CFAP61: variants seen among roughly 807,000 people sequenced by gnomAD.
CFAP61 encodes the protein cilia and flagella associated protein 61, also known as cilia- and flagella-associated protein 61.
In CFAP61, 107 loss-of-function variants were observed where a neutral mutation model predicts 135.6. The observed-to-expected ratio is 0.79, with a 90% confidence interval of 0.67 to 0.93. The LOEUF (loss-of-function observed/expected upper bound fraction) is 0.93. CFAP61 is among the 40% of genes least tolerant of loss of function. CFAP61 has a pLI of 0.00. For missense variants in CFAP61, 1,507 were observed against 1,556.2 expected, an observed-to-expected ratio of 0.97 and a Z score of 0.53; for synonymous variants, 575 against 578.5, an observed-to-expected ratio of 0.99 and a Z score of 0.09.
chr20:20,232,915 G>C (rs2049266851), intron 18 of CFAP61: 1 of 152,048 alleles, frequency 6.6e-6, no homozygotes, highest in Admixed American at 6.6e-5. Context: ...GGAAAGCCCG[G>C]GTTCCCCTTG....
chr20:20,196,513 A>G, intron 15 of CFAP61, 57 bp from the exon 16 acceptor site: 1 of 1,275,570 alleles, frequency 7.8e-7, no homozygotes. Context: ...TTATCACAAA[A>G]TGCATGCCGT....
chr20:20,068,049 T>C (rs1399665013), intron 2 of CFAP61, among the ~76,000 whole-genome samples: 1 of 152,154 alleles, frequency 6.6e-6, no homozygotes, highest in Non-Finnish European at 1.5e-5. Flanking sequence ...TTAATGTCTA[T>C]GTGGTATATA....
chr20:20,209,978 C>A (rs1239401506), intron 17 of CFAP61, among the ~76,000 whole-genome samples: 1 of 152,128 alleles, frequency 6.6e-6, no homozygotes, highest in Non-Finnish European at 1.5e-5. Context: ...TCCTCACAGC[C>A]TTGAGGCCAG....
chr20:20,125,459 T>G (rs2049996832), intron 8 of CFAP61, among the ~76,000 whole-genome samples: 1 of 151,836 alleles, frequency 6.6e-6, no homozygotes. Flanking sequence ...ATTTCCGTCT[T>G]GATTTCATTT....
At chr20:20,158,548 T>C (rs1036995440) in intron 9 of CFAP61, among the ~76,000 whole-genome samples, 1 of 152,206 alleles carries the variant, frequency 6.6e-6, no homozygotes, top group Non-Finnish European at 1.5e-5. Flanking sequence ...CACACCAGGA[T>C]ACTATTCAGC....
chr20:20,196,748 G>A lies in CFAP61; in HGVS notation c.1769G>A (p.Arg590His), dbSNP rs776483300. Residue 590 changes from arginine (R) to histidine (H), a missense_variant, in exon 16 of 27, where the codon CGT becomes CAT. By Grantham distance (29) the Arg-to-His change is conservative. Transcript: ENST00000245957. ...RLGFKSCLYYRVYPKSREGKF... is the reference protein window; with the variant it reads ...RLGFKSCLYYHVYPKSREGKF... ...GGCTTTAAATCCTGTCTCTACTACC[G>A]TGTTTACCCAAAATCCAGAGAAGGC... The A allele has an allele frequency of 5.0e-5, 81 of 1,614,012 alleles. No homozygotes were observed. The highest frequency in any genetic ancestry group is 1.6e-4 in the Middle Eastern group (1 of 6,084).
intron 8 of CFAP61, among the ~76,000 whole-genome samples, chr20:20,109,881 T>G (rs2048677840): frequency 6.6e-6 from 1 of 152,158 alleles, no homozygotes; most frequent in African/African-American, 2.4e-5. Context: ...GTTCTTCCTA[T>G]TCTAATTGTC....
chr20:20,211,178 C>A (rs1316829540), intron 17 of CFAP61, among the ~76,000 whole-genome samples: 1 of 152,208 alleles, frequency 6.6e-6, no homozygotes, highest in East Asian at 1.9e-4. Flanking sequence ...TTGAGTTCAT[C>A]AGAGGCAGAG....
intron 6 of CFAP61, among the ~76,000 whole-genome samples, chr20:20,081,762 C>T (rs6046604): frequency 3.3e-5 from 5 of 151,990 alleles, no homozygotes; most frequent in Non-Finnish European, 5.9e-5. Flanking sequence ...ATACCTTAAC[C>T]TGAGGTCTTG....
intron 25 of CFAP61, among the ~76,000 whole-genome samples, chr20:20,329,899 C>A (rs1362034929): frequency 3.9e-5 from 6 of 152,264 alleles, no homozygotes; most frequent in African/African-American, 1.2e-4. Context: ...TGCTCTAGTG[C>A]AGCCATCATC....
chr20:20,185,071 C>T (rs1266409988), intron 13 of CFAP61, among the ~76,000 whole-genome samples: 1 of 152,178 alleles, frequency 6.6e-6, no homozygotes, highest in East Asian at 1.9e-4. Flanking sequence ...ACTGGGAGTG[C>T]AAGCTTATGC....
At chr20:20,266,910 C>G (rs907064596) in intron 21 of CFAP61, among the ~76,000 whole-genome samples, 2 of 152,148 alleles carry the variant, frequency 1.3e-5, no homozygotes, top group African/African-American at 4.8e-5. Context: ...AGGACAGTCT[C>G]TCATACATAG....
At chr20:20,222,532 C>G (rs910982581) in intron 17 of CFAP61, among the ~76,000 whole-genome samples, 42 of 152,082 alleles carry the variant, frequency 2.8e-4, no homozygotes, top group African/African-American at 1.0e-3. Context: ...TCTGAGCTTC[C>G]CAGTACCCCC....
chr20:20,131,754 T>C (rs566267458), intron 8 of CFAP61, among the ~76,000 whole-genome samples: 1 of 152,186 alleles, frequency 6.6e-6, no homozygotes, highest in South Asian at 2.1e-4. Flanking sequence ...CATACTAATA[T>C]AAGTATTTAA....
At position 20,170,450 on chromosome 20, in the gene CFAP61, G is replaced by C. The variant is rs148623487; in HGVS notation, c.1385+990G>C. On this transcript the variant is annotated intron_variant, in intron 13 of 26. Transcript: ENST00000245957. ...ACCTAAATAGAAAAATTAATAAAAGGCATGACCAGACTGTTTCTACAGGAA... is the reference window on the plus strand; with the variant it reads ...ACCTAAATAGAAAAATTAATAAAAGCCATGACCAGACTGTTTCTACAGGAA... 2.2e-3 allele frequency among the ~76,000 whole-genome samples: 333 copies of C among 151,996 alleles called. 2 individuals are homozygous for C. Among genetic ancestry groups the C allele is most frequent in the African/African-American group, 7.6e-3 (315 of 41,480 alleles).
chr20:20,294,185 T>G (rs1601853770), intron 24 of CFAP61, among the ~76,000 whole-genome samples: 1 of 152,310 alleles, frequency 6.6e-6, no homozygotes, highest in African/African-American at 2.4e-5. Flanking sequence ...CCCTGCACCA[T>G]GTGGGCAGGG....
intron 25 of CFAP61, chr20:20,317,113 G>A (rs1407468102): frequency 2.0e-5 from 3 of 152,014 alleles, no homozygotes; most frequent in African/African-American, 7.3e-5. Flanking sequence ...CTGACCTCAA[G>A]TGATCTGCCT....
intron 25 of CFAP61, among the ~76,000 whole-genome samples, chr20:20,326,487 T>G (rs947303243): frequency 6.6e-6 from 1 of 152,204 alleles, no homozygotes; most frequent in Non-Finnish European, 1.5e-5. Flanking sequence ...CATTGACATC[T>G]TTAATTCATC....
rs868284197 is a variant in CFAP61, at chr20:20,320,485, A to T, written c.3423-21346A>T. Among the ~76,000 whole-genome samples, 278 of 57,840 alleles carry T rather than the reference A, an allele frequency of 4.8e-3. 80 individuals are homozygous for T. The highest frequency in any genetic ancestry group is 0.034 in the African/African-American group (254 of 7,580). 37.9% of individuals were successfully genotyped at this position (57,840 alleles called of 152,430 possible). ...GTAATATATAATATATGTAATATAT[A>T]ATATATGTAATATATATTATATATG... On this transcript the variant is annotated intron_variant, in intron 25 of 26. Transcript: ENST00000245957.
Sources: gnomAD v4.1 joint callset for allele counts (sites outside exome capture counted in the v4.1 genomes callset) on GRCh38, gnomAD v4.1.1 for gene constraint, MANE v1.5 for transcripts, NCBI Gene and HGNC (gene_info 2026-07-23, HGNC 2026-07-21) for gene names.